The following OGT variants were observed in gnomAD, a reference collection of about 807,000 sequenced individuals.
OGT encodes the protein O-linked N-acetylglucosamine (GlcNAc) transferase, also known as UDP-N-acetylglucosamine--peptide N-acetylglucosaminyltransferase 110 kDa subunit.
OGT carries 3 observed loss-of-function variants against 75.8 expected under a neutral mutation model. That is an observed-to-expected ratio of 0.04 (90% CI 0.02 to 0.10). The LOEUF (loss-of-function observed/expected upper bound fraction) is 0.10. OGT is among the 10% of genes least tolerant of loss of function. The pLI is 1.00. For synonymous variants in OGT, 257 were observed against 289.7 expected (o/e 0.89, Z 1.15); for missense variants, 260 against 824.4 (o/e 0.32, Z 8.38).
chrX:71,547,826 C>CCT, intron 4 of OGT, 81 bp from the exon 5 acceptor site: 2 of 725,250 alleles, frequency 2.8e-6, no homozygotes, highest in East Asian at 8.5e-5. Context: ...TCCCCCCAAT[C>CCT]TTTTTTTTTT....
At chrX:71,565,270 G>T (rs1017600818) in intron 19 of OGT, among the ~76,000 whole-genome samples, 1 of 111,603 alleles carries the variant, frequency 9.0e-6, no homozygotes, top group African/African-American at 3.3e-5. Flanking sequence ...TCTGTTGTTC[G>T]GGCTGCAGTG....
chrX:71,562,759 T>C, intron 15 of OGT, 88 bp from the exon 16 acceptor site: 1 of 855,281 alleles, frequency 1.2e-6, no homozygotes. Flanking sequence ...CAAAAAGTTG[T>C]ACATATTTAA....
At position 71,544,865 on chromosome X, in the gene OGT, G is replaced by A. The variant is rs1177154148; in HGVS notation, c.531+230G>A. ...ATTTTGGAGCCTTTCTGCTGAGCTA[G>A]ACCATCTTTATAACACTGGGCTCCG... On this transcript the variant is annotated intron_variant, in intron 4 of 21. Coordinates refer to ENST00000373719, the MANE Select transcript of OGT (RefSeq NM_181672.3). 4 of 387,473 alleles carry A rather than the reference G, an allele frequency of 1.0e-5. No individual in the cohort carries two copies. The East Asian group carries it at 1.6e-4, about 16-fold the overall frequency. The allele number at this position is 387,473 out of a possible 1,213,427, so 31.9% of individuals were successfully genotyped here. A position where few individuals can be genotyped will look rare whatever the true frequency, so the allele number is the denominator to read the frequency against.
intron 21 of OGT, among the ~76,000 whole-genome samples, chrX:71,569,052 A>G (rs1389302403): frequency 9.0e-6 from 1 of 110,906 alleles, no homozygotes; most frequent in Non-Finnish European, 1.9e-5. Context: ...TCTTTGGGCC[A>G]GGTGCGGTGG....
intron 1 of OGT, among the ~76,000 whole-genome samples, chrX:71,534,569 A>G (rs1314373656): frequency 9.0e-6 from 1 of 110,988 alleles, no homozygotes; most frequent in African/African-American, 3.3e-5. Context: ...TGCTGTAAGT[A>G]GTAGGTGAAT....
chrX:71,561,760 T>C lies in OGT; in HGVS notation c.1852-15T>C, dbSNP rs750583722. 40 of 1,176,474 alleles carry C rather than the reference T, an allele frequency of 3.4e-5. No individual in the cohort carries two copies. In the South Asian group the frequency reaches 7.4e-4, roughly 22 times the overall value. Reference sequence around the variant, plus strand: ...TGAGATTATACATAGTGAGTTCTTATTTTGTATTCTGTAGATTCCATGCAA... The same window carrying C: ...TGAGATTATACATAGTGAGTTCTTACTTTGTATTCTGTAGATTCCATGCAA... On this transcript the variant is annotated splice_polypyrimidine_tract_variant and intron_variant, in intron 14 of 21. Coordinates refer to ENST00000373719, the MANE Select transcript of OGT (RefSeq NM_181672.3).
At chrX:71,555,729 A>C (rs2040338525) in intron 7 of OGT, 1 of 428,114 alleles carries the variant, frequency 2.3e-6, no homozygotes, top group African/African-American at 2.5e-5. Flanking sequence ...TGTCTCAAAA[A>C]AATCACAAAA....
At chrX:71,560,020 G>T (rs1285809993) in intron 14 of OGT, among the ~76,000 whole-genome samples, 2 of 110,739 alleles carry the variant, frequency 1.8e-5, no homozygotes, top group African/African-American at 6.6e-5. Context: ...GGTGACTCAT[G>T]CCTGTAATCC....
At chrX:71,546,442 C>G in intron 4 of OGT, 1 of 754,290 alleles carries the variant, frequency 1.3e-6, no homozygotes, top group Non-Finnish European at 1.6e-6. Context: ...ACCTCCTCCT[C>G]CTCTTCCAGC....
chrX:71,560,726 T>C (rs908408756), intron 14 of OGT, among the ~76,000 whole-genome samples: 2 of 111,750 alleles, frequency 1.8e-5, no homozygotes, highest in African/African-American at 6.5e-5. Context: ...CTGGCCATTT[T>C]TGATACACAG....
chrX:71,572,464 G>A (rs1011836104), intron 21 of OGT, among the ~76,000 whole-genome samples: 1 of 112,539 alleles, frequency 8.9e-6, no homozygotes, highest in African/African-American at 3.2e-5. Context: ...TACTGCTTCT[G>A]TCACAACAAA....
At chrX:71,541,712 C>A (rs2040220728) in intron 3 of OGT, among the ~76,000 whole-genome samples, 1 of 109,818 alleles carries the variant, frequency 9.1e-6, no homozygotes, top group Non-Finnish European at 1.9e-5. Flanking sequence ...AATAGAGAGG[C>A]TGAGGAGTTT....
At chrX:71,568,198 G>A (rs1309090253) in intron 21 of OGT, 82 bp downstream of exon 21, 5 of 893,028 alleles carry the variant, frequency 5.6e-6, no homozygotes, top group Non-Finnish European at 7.6e-6. Flanking sequence ...TAAAATAAGT[G>A]TAATATAAAA....
chrX:71,550,254 G>A (rs778417043), intron 5 of OGT, among the ~76,000 whole-genome samples: 2 of 112,299 alleles, frequency 1.8e-5, no homozygotes, highest in African/African-American at 3.2e-5. Context: ...GTTATTATTC[G>A]TCCTTTTGAT....
In OGT at chrX:71,565,193, A is replaced by T. The variant is rs778166264; in HGVS notation, c.2589+440A>T. On this transcript the variant is annotated intron_variant, in intron 19 of 21. Coordinates refer to ENST00000373719, the MANE Select transcript of OGT (RefSeq NM_181672.3). The stretch of plus-strand genomic sequence containing the variant: ...TTTTTTTAAAAATACTTTTTAAAAA[A>T]TTTATTTTATTTATTTACATGTGAC... 1.6e-3 allele frequency among the ~76,000 whole-genome samples: 176 copies of T among 111,841 alleles called. 1 individual carries two copies. The highest frequency in any genetic ancestry group is 5.6e-3 in the African/African-American group (172 of 30,834).
chrX:71,534,863 T>C (rs2040163913), intron 1 of OGT, among the ~76,000 whole-genome samples: 1 of 111,821 alleles, frequency 8.9e-6, no homozygotes, highest in African/African-American at 3.3e-5. Context: ...ATTAAAGATA[T>C]AACCTCTCCC....
Position 71,574,388 on chromosome X carries a change from G to T in OGT, c.*594G>T, listed in dbSNP as rs1479016966. 1 of 111,027 alleles carries T rather than the reference G, an allele frequency of 9.0e-6. No homozygotes were observed. The highest frequency in any genetic ancestry group is 1.9e-5 in the Non-Finnish European group (1 of 52,918). 9.1% of individuals were successfully genotyped at this position (111,027 alleles called of 1,213,427 possible). A position where few individuals can be genotyped will look rare whatever the true frequency, so the allele number is the denominator to read the frequency against. ...TTTAGTGTCTGACCTAATATTTGGA[G>T]CTATCAGTGCTTTGTTGATTTAGAT... On this transcript the variant is annotated 3_prime_UTR_variant, in exon 22 of 22. Coordinates refer to ENST00000373719, the MANE Select transcript of OGT (RefSeq NM_181672.3).
intron 3 of OGT, among the ~76,000 whole-genome samples, chrX:71,543,760 GTGTGTGTATA>G (rs1404655920): frequency 1.1e-4 from 7 of 62,543 alleles, no homozygotes; most frequent in East Asian, 9.9e-4. Context: ...GTGTGTGTGT[GTGTGTGTATA>G]TATATATATA....
intron 14 of OGT, among the ~76,000 whole-genome samples, chrX:71,560,553 A>T (rs2040376221): frequency 8.9e-6 from 1 of 111,893 alleles, no homozygotes; most frequent in Admixed American, 9.5e-5. Flanking sequence ...ATGTACATAC[A>T]CATGCAGGTA....
Sources: gnomAD v4.1 joint callset for allele counts (sites outside exome capture counted in the v4.1 genomes callset) on GRCh38, gnomAD v4.1.1 for gene constraint, MANE v1.5 for transcripts, NCBI Gene and HGNC (gene_info 2026-07-23, HGNC 2026-07-21) for gene names.